NADK2: variants seen among roughly 807,000 people sequenced by gnomAD.
The protein encoded by NADK2 is NAD kinase domain-containing protein 1, mitochondrial.
NADK2 carries 35 observed loss-of-function variants against 62.1 expected under a neutral mutation model. The ratio of observed to expected loss-of-function variants is 0.56; its 90% CI spans 0.43 to 0.75. NADK2 has a LOEUF of 0.75. NADK2 is among the 30% of genes least tolerant of loss of function. The pLI, the probability that NADK2 is intolerant of heterozygous loss-of-function variation, is 0.00. For missense variants in NADK2, 439 were observed against 561.3 expected, an observed-to-expected ratio of 0.78 and a Z score of 2.20; for synonymous variants, 205 against 207.9, an observed-to-expected ratio of 0.99 and a Z score of 0.12.
intron 8 of NADK2, among the ~76,000 whole-genome samples, chr5:36,202,880 G>A: frequency 6.6e-6 from 1 of 152,038 alleles, no homozygotes; most frequent in East Asian, 1.9e-4. Flanking sequence ...ACAAGAAATA[G>A]ACTTATACTG....
intron 6 of NADK2, among the ~76,000 whole-genome samples, chr5:36,215,965 T>C (rs1054223087): frequency 6.6e-6 from 1 of 152,182 alleles, no homozygotes; most frequent in South Asian, 2.1e-4. Flanking sequence ...AGTAGTGGGA[T>C]TGCTAGATTG....
chr5:36,226,684 A>G, intron 2 of NADK2, 121 bp from the exon 3 acceptor site: 1 of 614,542 alleles, frequency 1.6e-6, no homozygotes, highest in Non-Finnish European at 2.8e-6. Flanking sequence ...TCTTATAAAC[A>G]AATTTACATG....
At chr5:36,221,796 C>A (rs959192383) in intron 4 of NADK2, 1 of 152,166 alleles carries the variant, frequency 6.6e-6, no homozygotes, top group African/African-American at 2.4e-5. Context: ...AACATATGAT[C>A]ACTAAAGTGA....
At chr5:36,221,532 T>G (rs556192514) in intron 4 of NADK2, 1 of 152,226 alleles carries the variant, frequency 6.6e-6, no homozygotes, top group South Asian at 2.1e-4. Flanking sequence ...CTGGGCTTTT[T>G]TTAAGGACTG....
At chr5:36,216,455 C>T (rs1169238810) in intron 6 of NADK2, among the ~76,000 whole-genome samples, 4 of 151,914 alleles carry the variant, frequency 2.6e-5, no homozygotes, top group African/African-American at 9.7e-5. Flanking sequence ...GTTTTTGTTG[C>T]CTGTGCTTTT....
chr5:36,239,516 A>G (rs1309269672), intron 1 of NADK2, among the ~76,000 whole-genome samples: 1 of 152,228 alleles, frequency 6.6e-6, no homozygotes, highest in Non-Finnish European at 1.5e-5. Context: ...TATCCCAAAC[A>G]GCATTACCTA....
At chr5:36,223,146 C>T (rs1173247215) in intron 4 of NADK2, among the ~76,000 whole-genome samples, 1 of 151,864 alleles carries the variant, frequency 6.6e-6, no homozygotes, top group Non-Finnish European at 1.5e-5. Flanking sequence ...CAGGAAAGTT[C>T]CAAGAAAACC....
At position 36,225,598 on chromosome 5, in the gene NADK2, C is replaced by T. The variant is rs1345306263; in HGVS notation, c.504G>A (p.Ala168=). Residue 168 remains alanine (A), a synonymous_variant, in exon 4 of 12, where the codon GCG becomes GCA. Coordinates refer to ENST00000381937, the MANE Select transcript of NADK2 (RefSeq NM_001085411.3). ...AGGDGTMLLA[A]SKVLDRLKPV... is the part of the protein sequence containing the mutation. ...GTTTAAGTCTGTCCAAGACTTTACTCGCTGCCAGCAGCATTGTGCCATCAC... is the reference window on the plus strand; with the variant it reads ...GTTTAAGTCTGTCCAAGACTTTACTTGCTGCCAGCAGCATTGTGCCATCAC... The T allele has an allele frequency of 1.2e-5, 19 of 1,613,934 alleles. No homozygotes were observed. Among genetic ancestry groups the T allele is most frequent in the Non-Finnish European group, 1.5e-5 (18 of 1,179,902 alleles).
At chr5:36,207,416 T>C (rs1746681117) in intron 7 of NADK2, 151 bp from the exon 8 acceptor site, 4 of 502,348 alleles carry the variant, frequency 8.0e-6, no homozygotes, top group Non-Finnish European at 1.4e-5. Flanking sequence ...CTAATTCCAA[T>C]ACTGATTAAG....
Position 36,193,615 on chromosome 5 carries a change from A to G in NADK2, c.*1529T>C, listed in dbSNP as rs1225886677. ...ATCTCTGGGAAAACACTACATTTTA[A>G]TGTATTTCTATCTGATATGTCATAA... is the stretch of plus-strand genomic sequence containing the variant. On this transcript the variant is annotated 3_prime_UTR_variant, in exon 12 of 12. Coordinates refer to ENST00000381937, the MANE Select transcript of NADK2 (RefSeq NM_001085411.3). 6.6e-6 allele frequency: 1 copy of G among 151,650 alleles called. No individual in the cohort carries two copies. Among genetic ancestry groups the G allele is most frequent in the African/African-American group, 2.4e-5 (1 of 41,298 alleles). The allele number at this position is 151,650 out of a possible 1,614,324, so 9.4% of individuals were successfully genotyped here. A position where few individuals can be genotyped will look rare whatever the true frequency, so the allele number is the denominator to read the frequency against.
rs1015608910 is a variant in NADK2, at chr5:36,205,128, GA to G, written c.956+2041del. Among the ~76,000 whole-genome samples, 5 of 149,318 alleles carry G rather than the reference GA, an allele frequency of 3.3e-5. No individual in the cohort carries two copies. In the South Asian group the frequency reaches 6.4e-4, roughly 19 times the overall value. On this transcript the variant is annotated intron_variant, in intron 8 of 11. Coordinates refer to ENST00000381937, the MANE Select transcript of NADK2 (RefSeq NM_001085411.3). This position sits in a 1 kb window ranked among gnomAD's most constrained non-coding sequence, Gnocchi z 4.1. ...TACTGTGCATAAAAAGATTAAGCAG[GA>G]AAAAAAAACCCCTCTAGTCGCCATC...
chr5:36,200,408 ACAT>A, intron 9 of NADK2, 128 bp from the exon 10 acceptor site: 2 of 396,272 alleles, frequency 5.0e-6, no homozygotes, highest in Non-Finnish European at 8.3e-6. Context: ...TTATTATGTA[ACAT>A]AATAGCTAAT....
upstream of NADK2, chr5:36,241,952 G>T: frequency 1.8e-6 from 1 of 560,314 alleles, no homozygotes; most frequent in Non-Finnish European, 2.4e-6. This position sits in a 1 kb window ranked among gnomAD's most constrained non-coding sequence, Gnocchi z 4.9. Flanking sequence ...CACGCGGCTA[G>T]GGGGACGTAC....
chr5:36,222,685 T>C (rs1747317983), intron 4 of NADK2, among the ~76,000 whole-genome samples: 1 of 152,162 alleles, frequency 6.6e-6, no homozygotes, highest in East Asian at 1.9e-4. Context: ...ACTAAGGCAA[T>C]GTGTAAAGGA....
At chr5:36,234,327 C>T (rs958573075) in intron 1 of NADK2, among the ~76,000 whole-genome samples, 5 of 138,348 alleles carry the variant, frequency 3.6e-5, no homozygotes, top group East Asian at 2.1e-4. Context: ...GAGTCGAGAT[C>T]GCGCCACTGC....
intron 6 of NADK2, among the ~76,000 whole-genome samples, chr5:36,216,845 T>C (rs1340535676): frequency 1.3e-5 from 2 of 152,182 alleles, no homozygotes; most frequent in East Asian, 3.8e-4. Context: ...TTTTAAATTG[T>C]ACTTAATAGT....
chr5:36,241,243 T>C lies in NADK2; in HGVS notation c.300+256A>G, dbSNP rs924420968. The C allele has an allele frequency of 1.4e-5, 8 of 559,950 alleles. No individual in the cohort carries two copies. The East Asian group carries it at 2.8e-4, about 20-fold the overall frequency. The allele number at this position is 559,950 out of a possible 1,614,324, so 34.7% of individuals were successfully genotyped here. A position where few individuals can be genotyped will look rare whatever the true frequency, so the allele number is the denominator to read the frequency against. ...CTCTTCGCCCTCCCCGCGGCGCCCC[T>C]GCCTCCTAAGTCCCTGCATGAACCA... On this transcript the variant is annotated intron_variant, in intron 1 of 11. Coordinates refer to ENST00000381937, the MANE Select transcript of NADK2 (RefSeq NM_001085411.3). The surrounding 1 kb of genome is among the most constrained non-coding windows in gnomAD (Gnocchi z 4.9).
At chr5:36,228,196 G>C (rs190700941) in intron 1 of NADK2, among the ~76,000 whole-genome samples, 38 of 152,120 alleles carry the variant, frequency 2.5e-4, no homozygotes, top group Non-Finnish European at 1.5e-5. Flanking sequence ...ATTTTTCCTA[G>C]TTGGAGTAAC....
intron 1 of NADK2, among the ~76,000 whole-genome samples, chr5:36,229,047 C>T (rs555946926): frequency 1.3e-5 from 2 of 152,074 alleles, no homozygotes; most frequent in Non-Finnish European, 2.9e-5. Context: ...AAAACACTAA[C>T]AATATGGAAA....
Sources: allele counts gnomAD v4.1 joint callset (sites outside exome capture counted in the v4.1 genomes callset), GRCh38; gene constraint gnomAD v4.1.1; non-coding constraint Gnocchi (gnomAD v3.1); transcripts MANE v1.5; gene names NCBI Gene and HGNC (gene_info 2026-07-23, HGNC 2026-07-21).